The following GRK5 variants were observed in gnomAD, a reference collection of about 807,000 sequenced individuals.
The protein encoded by GRK5 is G protein-coupled receptor kinase 5, also known as g protein-coupled receptor kinase GRK5.
Under a neutral mutation model 78.4 loss-of-function variants are expected in GRK5, and 40 were observed. That is an observed-to-expected ratio of 0.51 (90% CI 0.40 to 0.66). The LOEUF (loss-of-function observed/expected upper bound fraction) is 0.66. GRK5 is among the 30% of genes least tolerant of loss of function. GRK5 has a pLI of 0.00. For missense variants in GRK5, 598 were observed against 759.9 expected (o/e 0.79, Z 2.50); for synonymous variants, 289 against 296.8 (o/e 0.97, Z 0.27).
chr10:119,441,903 T>C lies in GRK5; in HGVS notation c.968-96T>C, dbSNP rs1853043563. The C allele has an allele frequency of 4.4e-6, 4 of 901,232 alleles. No individual in the cohort carries two copies. The Admixed American group carries it at 7.4e-5, about 17-fold the overall frequency. The allele number at this position is 901,232 out of a possible 1,614,324, so 55.8% of individuals were successfully genotyped here. ...CCTGTTGTCCTTGGACAGATGAGAA[T>C]GCCGAGAGCTCGTATGCCTTGCCCA... On this transcript the variant is annotated intron_variant, in intron 10 of 15. Coordinates refer to ENST00000392870, the MANE Select transcript of GRK5 (RefSeq NM_005308.3).
At chr10:119,265,957 C>T (rs547154235) in intron 1 of GRK5, among the ~76,000 whole-genome samples, 3 of 152,274 alleles carry the variant, frequency 2.0e-5, no homozygotes, top group East Asian at 1.9e-4. Context: ...TGAGCTGCCT[C>T]GGTTCCCTCT....
intron 4 of GRK5, among the ~76,000 whole-genome samples, chr10:119,402,941 G>C (rs1852173617): frequency 6.6e-6 from 1 of 152,168 alleles, no homozygotes; most frequent in Non-Finnish European, 1.5e-5. Flanking sequence ...TTCTTTTAAA[G>C]TACAATTCTA....
At chr10:119,272,826 A>G (rs911124707) in intron 1 of GRK5, among the ~76,000 whole-genome samples, 1 of 152,100 alleles carries the variant, frequency 6.6e-6, no homozygotes, top group Admixed American at 6.5e-5. Flanking sequence ...TCAGATATTC[A>G]CAGTTGTCTG....
intron 2 of GRK5, chr10:119,333,669 G>T (rs1850823428): frequency 2.2e-6 from 1 of 455,242 alleles, no homozygotes. Context: ...CAAAGGGGTG[G>T]ACGTTTCTGT....
intron 1 of GRK5, among the ~76,000 whole-genome samples, chr10:119,318,651 C>A (rs1326120992): frequency 6.6e-6 from 1 of 152,152 alleles, no homozygotes; most frequent in Non-Finnish European, 1.5e-5. Flanking sequence ...TCGCTGCACC[C>A]CAGCCGCATC....
chr10:119,443,761 C>A lies in GRK5; in HGVS notation c.1266+9C>A. 6.3e-7 allele frequency: 1 copy of A among 1,587,664 alleles called. No homozygotes were observed. Among genetic ancestry groups the A allele is most frequent in the Non-Finnish European group, 8.6e-7 (1 of 1,162,336 alleles). On this transcript the variant is annotated intron_variant, in intron 12 of 15. Transcript: ENST00000392870. The stretch of plus-strand genomic sequence containing the variant: ...AGTCCATCTGCAAGATGGTGAGCTC[C>A]TGGTGGCCAGATGCCACCCTCAAGC...
At chr10:119,424,874 G>A in intron 5 of GRK5, 119 bp from the exon 6 acceptor site, 2 of 731,130 alleles carry the variant, frequency 2.7e-6, no homozygotes, top group South Asian at 1.5e-5. Flanking sequence ...CAGACGTGCT[G>A]CATCTGCATG....
intron 2 of GRK5, among the ~76,000 whole-genome samples, chr10:119,355,212 C>T (rs537309708): frequency 6.6e-6 from 1 of 152,280 alleles, no homozygotes; most frequent in East Asian, 1.9e-4. Flanking sequence ...TAGTTGAATC[C>T]ACAGATGCAG....
intron 3 of GRK5, among the ~76,000 whole-genome samples, chr10:119,385,359 G>A (rs1295075407): frequency 1.3e-5 from 2 of 152,072 alleles, no homozygotes; most frequent in African/African-American, 4.8e-5. Flanking sequence ...CAACCTCCTG[G>A]ACTCAAGTGA....
intron 11 of GRK5, among the ~76,000 whole-genome samples, chr10:119,442,825 G>A (rs183375985): frequency 1.6e-3 from 248 of 152,344 alleles, no homozygotes; most frequent in Non-Finnish European, 2.7e-3. Flanking sequence ...TGGAGTGTGT[G>A]TCTGTGTGTA....
intron 1 of GRK5, among the ~76,000 whole-genome samples, chr10:119,321,611 C>T (rs574562134): frequency 6.6e-6 from 1 of 152,336 alleles, no homozygotes; most frequent in African/African-American, 2.4e-5. Flanking sequence ...CTGGATAATC[C>T]AGGATTATGT....
intron 2 of GRK5, among the ~76,000 whole-genome samples, chr10:119,335,171 T>TCTCTCTCTCTCTCTCTCTCC (rs1564895394): frequency 7.9e-6 from 1 of 126,968 alleles, no homozygotes; most frequent in Non-Finnish European, 1.6e-5. Flanking sequence ...TCTCTCTCTC[T>TCTCTCTCTCTCTCTCTCTCC]CTCTCCCCCT....
intron 1 of GRK5, among the ~76,000 whole-genome samples, chr10:119,252,250 G>C (rs1180398106): frequency 1.3e-5 from 2 of 152,224 alleles, no homozygotes; most frequent in African/African-American, 4.8e-5. Context: ...GTTGACAGTT[G>C]ATGGATCACT....
intron 1 of GRK5, among the ~76,000 whole-genome samples, chr10:119,269,051 G>A (rs1849546099): frequency 6.6e-6 from 1 of 152,258 alleles, no homozygotes; most frequent in South Asian, 2.1e-4. Context: ...GCTCAGGGTA[G>A]ATTTGGGGGC....
chr10:119,328,088 A>T (rs1255590737), intron 2 of GRK5, among the ~76,000 whole-genome samples: 2 of 152,158 alleles, frequency 1.3e-5, no homozygotes, highest in Non-Finnish European at 2.9e-5. Context: ...CATGTGTGTA[A>T]AGGGCTTAGC....
chr10:119,305,165 T>G (rs1003547140), intron 1 of GRK5, among the ~76,000 whole-genome samples: 4 of 152,084 alleles, frequency 2.6e-5, no homozygotes, highest in African/African-American at 9.7e-5. Flanking sequence ...CCTCTGACCT[T>G]CCACCTCCCT....
At chr10:119,235,762 G>A (rs996733281) in intron 1 of GRK5, among the ~76,000 whole-genome samples, 1 of 152,152 alleles carries the variant, frequency 6.6e-6, no homozygotes, top group African/African-American at 2.4e-5. Context: ...CAGTTTCATG[G>A]GAACAGGGCC....
rs1849521694 is a variant in GRK5 at position 119,267,618 on chromosome 10, C to G, written c.53-58898C>G. 6.6e-6 allele frequency among the ~76,000 whole-genome samples: 1 copy of G among 152,162 alleles called. No homozygotes were observed. ...ATTGAGGACATGGCAGGTAGATAGG[C>G]AATAAAAGCACCGAACCAGCCTTAG... On this transcript the variant is annotated intron_variant, in intron 1 of 15. Coordinates refer to ENST00000392870, the MANE Select transcript of GRK5 (RefSeq NM_005308.3). The surrounding 1 kb of genome is among the most constrained non-coding windows in gnomAD (Gnocchi z 4.1).
intron 2 of GRK5, among the ~76,000 whole-genome samples, chr10:119,327,810 G>A (rs1309920623): frequency 6.6e-6 from 1 of 152,204 alleles, no homozygotes; most frequent in Non-Finnish European, 1.5e-5. Flanking sequence ...GTGAAGCAAG[G>A]TGGGATCCTG....
Sources: allele counts gnomAD v4.1 joint callset (sites outside exome capture counted in the v4.1 genomes callset), GRCh38; gene constraint gnomAD v4.1.1; non-coding constraint Gnocchi (gnomAD v3.1); transcripts MANE v1.5; gene names NCBI Gene and HGNC (gene_info 2026-07-23, HGNC 2026-07-21).